MYT1: variants seen among roughly 807,000 people sequenced by gnomAD.
MYT1 encodes the protein myelin transcription factor 1, also known as myelin transcription factor I.
MYT1 carries 23 observed loss-of-function variants against 123.0 expected under a neutral mutation model. That is an observed-to-expected ratio of 0.19 (90% CI 0.13 to 0.26). The LOEUF (loss-of-function observed/expected upper bound fraction) is 0.26. Ranked by LOEUF, MYT1 falls within the 10% of genes least tolerant of loss-of-function variation. The pLI is 1.00. For missense variants in MYT1, 1,125 were observed against 1,472.5 expected (o/e 0.76, Z 3.86); for synonymous variants, 518 against 575.3 (o/e 0.90, Z 1.43).
At chr20:64,201,067 G>T (rs979388244) in intron 4 of MYT1, among the ~76,000 whole-genome samples, 1 of 152,228 alleles carries the variant, frequency 6.6e-6, no homozygotes, top group Non-Finnish European at 1.5e-5. Flanking sequence ...CCAGGGACAC[G>T]GTGGAGACAA....
intron 2 of MYT1, among the ~76,000 whole-genome samples, chr20:64,197,680 A>G (rs1247008492): frequency 6.6e-6 from 1 of 152,026 alleles, no homozygotes; most frequent in African/African-American, 2.4e-5. Flanking sequence ...AGTGTGTAGG[A>G]TTTACTTGCC....
chr20:64,215,997 T>C (rs913577076), intron 10 of MYT1, among the ~76,000 whole-genome samples: 1 of 152,176 alleles, frequency 6.6e-6, no homozygotes, highest in African/African-American at 2.4e-5. Context: ...CCACCCTTCC[T>C]GGAGAAGGAG....
intron 1 of MYT1, among the ~76,000 whole-genome samples, chr20:64,170,588 G>T (rs1236913182): frequency 6.6e-6 from 1 of 151,980 alleles, no homozygotes; most frequent in African/African-American, 2.4e-5. Flanking sequence ...CTGGTTATTT[G>T]AGATCAAGTC....
At chr20:64,182,628 G>T (rs991176016) in intron 1 of MYT1, among the ~76,000 whole-genome samples, 3 of 152,200 alleles carry the variant, frequency 2.0e-5, no homozygotes, top group African/African-American at 7.2e-5. Flanking sequence ...CCTGTCTCGT[G>T]TCACTCGCAT....
chr20:64,199,547 A>G (rs755689769), intron 3 of MYT1, among the ~76,000 whole-genome samples: 1 of 152,182 alleles, frequency 6.6e-6, no homozygotes, highest in African/African-American at 2.4e-5. Flanking sequence ...GCTGACTTCT[A>G]TCTGCAATTA....
chr20:64,211,978 TC>T, intron 8 of MYT1, 69 bp from the exon 9 acceptor site: 2 of 1,327,086 alleles, frequency 1.5e-6, no homozygotes, highest in South Asian at 1.2e-5. Flanking sequence ...CAGCCTGTGC[TC>T]CCCACACAGC....
Position 64,212,886 on chromosome 20 carries a change from G to C in MYT1, c.1518-648G>C, listed in dbSNP as rs1054807368. On this transcript the variant is annotated intron_variant, in intron 9 of 22. Transcript: ENST00000328439. This position sits in a 1 kb window ranked among gnomAD's most constrained non-coding sequence, Gnocchi z 6.8. ...CTTTCCCCCAGCAGGCTTATGCTCA[G>C]CTGAAAGGACTGCCAGAGCTTTTGA... Among the ~76,000 whole-genome samples, 2 of 152,200 alleles carry C rather than the reference G, an allele frequency of 1.3e-5. No individual in the cohort carries two copies. Among genetic ancestry groups the C allele is most frequent in the African/African-American group, 4.8e-5 (2 of 41,448 alleles).
Position 64,217,299 on chromosome 20 carries a change from G to C in MYT1, c.1846+18G>C, listed in dbSNP as rs761360682. 1 of 1,613,144 alleles carries C rather than the reference G, an allele frequency of 6.2e-7. No individual in the cohort carries two copies. Among genetic ancestry groups the C allele is most frequent in the South Asian group, 1.1e-5 (1 of 91,066 alleles). On this transcript the variant is annotated intron_variant, in intron 11 of 22. Coordinates refer to ENST00000328439, the MANE Select transcript of MYT1 (RefSeq NM_004535.3). ...CTTTCAATGTAAGTTGGGGAGAATT[G>C]TTCTTGTTTCTCTTCTGTGTTGCTC...
chr20:64,170,261 C>T (rs1159261099), intron 1 of MYT1, among the ~76,000 whole-genome samples: 1 of 152,192 alleles, frequency 6.6e-6, no homozygotes, highest in Non-Finnish European at 1.5e-5. Flanking sequence ...TCACGTGTCT[C>T]ACATTTGAAA....
At chr20:64,216,938 C>G (rs1172163027) in intron 10 of MYT1, 129 bp from the exon 11 acceptor site, 9 of 841,754 alleles carry the variant, frequency 1.1e-5, no homozygotes, top group Non-Finnish European at 1.7e-5. Flanking sequence ...GGGGTAGTGT[C>G]TTCCTGAGTC....
At chr20:64,184,470 T>C (rs1982742217) in intron 1 of MYT1, among the ~76,000 whole-genome samples, 2 of 152,182 alleles carry the variant, frequency 1.3e-5, no homozygotes, top group African/African-American at 4.8e-5. Flanking sequence ...CTCTCAATTA[T>C]GTCCCACTTA....
At position 64,227,473 on chromosome 20, in the gene MYT1, C is replaced by T; in HGVS notation, c.2587C>T (p.Arg863Trp). 3 of 1,611,982 alleles carry T rather than the reference C, an allele frequency of 1.9e-6. No individual in the cohort carries two copies. The highest frequency in any genetic ancestry group is 2.5e-6 in the Non-Finnish European group (3 of 1,179,410). The change falls in exon 17 of 23, where the codon CGG becomes TGG. Residue 863 changes from arginine to tryptophan, a missense_variant. Physicochemically the swap from Arg to Trp is moderately radical, Grantham distance 101. This residue lies in a region of MYT1 where 47 missense variants were observed against 113.1 expected (regional missense o/e 0.42). Transcript: ENST00000328439. The stretch of plus-strand genomic sequence containing the variant: ...CATCACAGGGAACTACGCTTCACAC[C>T]GGAGGTGAGCCTGCCACACCCTCAG... The part of the protein sequence containing the change: ...GHITGNYASH[R>W]SLSGCPRAKK...
rs1325883866 is a variant in MYT1, at chr20:64,192,559, G to C, written c.-1+2399G>C. ...TGTGCATGGGACCGTCACAGCCTGC[G>C]GCGTGCCTCTGAGTTCAGCACCAGG... On this transcript the variant is annotated intron_variant, in intron 2 of 22. Coordinates refer to ENST00000328439, the MANE Select transcript of MYT1 (RefSeq NM_004535.3). The surrounding 1 kb of genome is among the most constrained non-coding windows in gnomAD (Gnocchi z 5.3). 1.3e-5 allele frequency among the ~76,000 whole-genome samples: 2 copies of C among 152,206 alleles called. No individual in the cohort carries two copies. Among genetic ancestry groups the C allele is most frequent in the Non-Finnish European group, 2.9e-5 (2 of 68,034 alleles).
chr20:64,218,842 C>T lies in MYT1; in HGVS notation c.1847-69C>T. 2 of 1,607,420 alleles carry T rather than the reference C, an allele frequency of 1.2e-6. No homozygotes were observed. Among genetic ancestry groups the T allele is most frequent in the Non-Finnish European group, 1.7e-6 (2 of 1,178,086 alleles). On this transcript the variant is annotated intron_variant, in intron 11 of 22. Transcript: ENST00000328439. The surrounding 1 kb of genome is among the most constrained non-coding windows in gnomAD (Gnocchi z 4.0). ...TCCCTTTTTGCAGCCAAACCTTTCC[C>T]AAAGGCCTCTTCCCCCAGGCACAGC...
chr20:64,219,675 G>A (rs1197004785), intron 12 of MYT1, 38 bp from the exon 13 acceptor site: 5 of 1,553,686 alleles, frequency 3.2e-6, no homozygotes, highest in Non-Finnish European at 4.4e-6. Flanking sequence ...CATGGGAAGG[G>A]ATGGAATCGC....
intron 8 of MYT1, 62 bp from the exon 9 acceptor site, chr20:64,211,986 C>A: frequency 1.4e-6 from 2 of 1,421,066 alleles, no homozygotes; most frequent in Non-Finnish European, 2.0e-6. Context: ...GCTCCCCACA[C>A]AGCTGGCGCT....
At chr20:64,221,029 C>A (rs1022902473) in intron 13 of MYT1, among the ~76,000 whole-genome samples, 3 of 152,206 alleles carry the variant, frequency 2.0e-5, no homozygotes, top group Non-Finnish European at 4.4e-5. Flanking sequence ...AGACGAGCAG[C>A]CTGGGAACCC....
intron 10 of MYT1, among the ~76,000 whole-genome samples, chr20:64,215,414 C>T (rs1237029736): frequency 2.0e-5 from 3 of 152,146 alleles, no homozygotes; most frequent in South Asian, 2.1e-4. Context: ...GGAGGCCTCC[C>T]GTTAGGCCCT....
intron 1 of MYT1, among the ~76,000 whole-genome samples, chr20:64,182,887 A>T (rs899545851): frequency 1.3e-5 from 2 of 152,236 alleles, no homozygotes; most frequent in Admixed American, 6.5e-5. Context: ...GCGTTATTGG[A>T]ATGTAATGTG....
Sources: gnomAD v4.1 joint callset for allele counts (sites outside exome capture counted in the v4.1 genomes callset) on GRCh38, gnomAD v4.1.1 for gene constraint, gnomAD v4.1.1 regional missense constraint, Gnocchi (gnomAD v3.1) non-coding constraint, MANE v1.5 for transcripts, NCBI Gene and HGNC (gene_info 2026-07-23, HGNC 2026-07-21) for gene names.